ABLIM1: variants seen among roughly 807,000 people sequenced by gnomAD.
The protein encoded by ABLIM1 is actin-binding LIM protein 1.
Under a neutral mutation model 107.0 loss-of-function variants are expected in ABLIM1, and 40 were observed. The observed-to-expected ratio is 0.37, with a 90% CI of 0.29 to 0.49. The LOEUF is 0.49. Ranked by LOEUF, ABLIM1 falls within the 20% of genes least tolerant of loss-of-function variation. The pLI is 0.97. For missense variants in ABLIM1, 857 were observed against 1,008.5 expected, an observed-to-expected ratio of 0.85 and a Z score of 2.04; for synonymous variants, 357 against 357.3, an observed-to-expected ratio of 1.00 and a Z score of 0.01.
At chr10:114,613,697 A>C (rs1215475877) in intron 1 of ABLIM1, 3 of 1,323,758 alleles carry the variant, frequency 2.3e-6, no homozygotes, top group South Asian at 2.4e-5. Context: ...GGGAGATGAA[A>C]GCATGAGACC....
At chr10:114,778,083 G>C in the ABLIM1 span, 1 of 152,300 alleles carries the variant, frequency 6.6e-6, no homozygotes, top group Non-Finnish European at 1.5e-5. Context: ...AATCAGTCTG[G>C]TTGGGCATGG....
At chr10:114,714,646 G>T (rs2141981490) in intron 1 of ABLIM1, among the ~76,000 whole-genome samples, 1 of 152,266 alleles carries the variant, frequency 6.6e-6, no homozygotes, top group African/African-American at 2.4e-5. Context: ...AATGCAAAAT[G>T]CCGTTTGTTT....
chr10:114,438,017 C>A, intron 21 of ABLIM1, 93 bp from the exon 22 acceptor site: 2 of 1,188,994 alleles, frequency 1.7e-6, no homozygotes, highest in Non-Finnish European at 2.5e-6. Flanking sequence ...CAAGATAGAG[C>A]TTCCAAGAGA....
At chr10:114,784,665 C>CAAAAAA in the ABLIM1 span, among the ~76,000 whole-genome samples, 89 of 87,580 alleles carry the variant, frequency 1.0e-3, no homozygotes, top group East Asian at 3.0e-3. Flanking sequence ...AGACTCACCT[C>CAAAAAA]AAAAAAAAAA....
chr10:114,499,114 C>G (rs1291412852), intron 6 of ABLIM1, among the ~76,000 whole-genome samples: 1 of 152,212 alleles, frequency 6.6e-6, no homozygotes, highest in African/African-American at 2.4e-5. Context: ...AAGGTCCACA[C>G]GTTAACCCTG....
chr10:114,762,482 C>T (rs558861211), intron 1 of ABLIM1, among the ~76,000 whole-genome samples: 2 of 152,268 alleles, frequency 1.3e-5, no homozygotes, highest in African/African-American at 4.8e-5. Flanking sequence ...AAATCTATGT[C>T]CCTGACTCCA....
chr10:114,754,164 TTA>T (rs2082579904), intron 1 of ABLIM1, among the ~76,000 whole-genome samples: 3 of 152,194 alleles, frequency 2.0e-5, no homozygotes, highest in Non-Finnish European at 2.9e-5. Flanking sequence ...CTGGTCAGGT[TTA>T]AGAGAACAAA....
chr10:114,434,280 A>AACACACACACACACACACACACACAC lies in ABLIM1; in HGVS notation c.*1954_*1979dup, dbSNP rs58418721. On this transcript the variant is annotated 3_prime_UTR_variant, in exon 23 of 23. Coordinates refer to ENST00000533213, the MANE Select transcript of ABLIM1 (RefSeq NM_002313.7). ...ATTTGCTAAACATGTTAGTAGATCC[A>AACACACACACACACACACACACACAC]ACACACACACACACACACACACACA... The AACACACACACACACACACACACACAC allele has an allele frequency of 7.2e-6, 1 of 138,806 alleles. No homozygotes were observed. The highest frequency in any genetic ancestry group is 2.2e-4 in the East Asian group (1 of 4,564). 8.6% of individuals were successfully genotyped at this position (138,806 alleles called of 1,614,324 possible).
At chr10:114,792,347 C>T in the ABLIM1 span, among the ~76,000 whole-genome samples, 37 of 152,274 alleles carry the variant, frequency 2.4e-4, no homozygotes, top group Non-Finnish European at 4.7e-4. Context: ...TGCCCAAGGA[C>T]ACAGAGTGAA....
At chr10:114,788,214 C>T in the ABLIM1 span, among the ~76,000 whole-genome samples, 1 of 149,424 alleles carries the variant, frequency 6.7e-6, no homozygotes, top group Non-Finnish European at 1.5e-5. Flanking sequence ...GGGTCCTCTG[C>T]CTAGGAAAAC....
intron 1 of ABLIM1, chr10:114,631,840 C>A (rs2078199474): frequency 7.7e-7 from 1 of 1,295,892 alleles, no homozygotes; most frequent in South Asian, 1.3e-5. Context: ...GTTAGGTGGC[C>A]GAGCCCTGCG....
chr10:114,513,853 T>C (rs1218725960), intron 6 of ABLIM1, among the ~76,000 whole-genome samples: 3 of 152,222 alleles, frequency 2.0e-5, no homozygotes, highest in Non-Finnish European at 4.4e-5. Context: ...CTGCAAATTC[T>C]TATTGACTAT....
chr10:114,486,055 G>A (rs2058146351), intron 8 of ABLIM1, among the ~76,000 whole-genome samples: 1 of 152,208 alleles, frequency 6.6e-6, no homozygotes, highest in Admixed American at 6.5e-5. Flanking sequence ...GGGTTTAGGA[G>A]AAGAGCTTTA....
chr10:114,543,221 C>T (rs1350555170), intron 6 of ABLIM1, among the ~76,000 whole-genome samples: 2 of 152,314 alleles, frequency 1.3e-5, no homozygotes, highest in Non-Finnish European at 1.5e-5. Context: ...GCACTTAGTA[C>T]ATTCATTCAC....
At chr10:114,644,150 G>A (rs1465886961) in intron 1 of ABLIM1, among the ~76,000 whole-genome samples, 12 of 148,850 alleles carry the variant, frequency 8.1e-5, no homozygotes, top group Admixed American at 2.7e-4. Flanking sequence ...GCATGGTGGC[G>A]GGCACCTGTA....
At chr10:114,750,386 T>C (rs1190680548) in intron 1 of ABLIM1, among the ~76,000 whole-genome samples, 1 of 152,174 alleles carries the variant, frequency 6.6e-6, no homozygotes, top group Admixed American at 6.5e-5. Flanking sequence ...CAAGTATTCA[T>C]ATAAGAATAA....
intron 6 of ABLIM1, among the ~76,000 whole-genome samples, chr10:114,538,558 A>C (rs1421224637): frequency 6.6e-6 from 1 of 152,190 alleles, no homozygotes; most frequent in East Asian, 1.9e-4. Flanking sequence ...ACCACGAGAC[A>C]CAAGGACAGG....
At chr10:114,572,730 C>T (rs1436956940) in intron 3 of ABLIM1, among the ~76,000 whole-genome samples, 3 of 152,200 alleles carry the variant, frequency 2.0e-5, no homozygotes, top group Admixed American at 1.3e-4. Context: ...GCTTCACACT[C>T]ATTAGCTAAA....
At chr10:114,562,638 A>T (rs1476977655) in intron 4 of ABLIM1, among the ~76,000 whole-genome samples, 1 of 152,222 alleles carries the variant, frequency 6.6e-6, no homozygotes, top group African/African-American at 2.4e-5. Context: ...TTGTGAGATG[A>T]GAAAATAACA....
Sources: allele counts gnomAD v4.1 joint callset (sites outside exome capture counted in the v4.1 genomes callset), GRCh38; gene constraint gnomAD v4.1.1; transcripts MANE v1.5; gene names NCBI Gene and HGNC (gene_info 2026-07-23, HGNC 2026-07-21).